DROSHA: variants seen among roughly 807,000 people sequenced by gnomAD.
DROSHA encodes the protein ribonuclease 3.
DROSHA carries 56 observed loss-of-function variants against 181.9 expected under a neutral mutation model. The ratio of observed to expected loss-of-function variants is 0.31; its 90% CI spans 0.25 to 0.38. The LOEUF (loss-of-function observed/expected upper bound fraction) is 0.38. DROSHA is among the 10% of genes least tolerant of loss of function. The probability of loss-of-function intolerance (pLI) is 1.00; values close to 1 mark genes in which losing one functional copy is unlikely to be tolerated. For synonymous variants in DROSHA, 524 were observed against 591.2 expected, an observed-to-expected ratio of 0.89 and a Z score of 1.65; for missense variants, 1,218 against 1,743.5, an observed-to-expected ratio of 0.70 and a Z score of 5.37.
rs1350347537 is a variant in DROSHA at position 31,449,417 on chromosome 5, C to T, written c.2685G>A (p.Leu895=). The change falls in exon 22 of 36, where the codon CTG becomes CTA. Residue 895 remains leucine, a splice_region_variant and synonymous_variant. Coordinates refer to ENST00000344624, the MANE Select transcript of DROSHA (RefSeq NM_001382508.1). ...AATGATGACTTGGATGAGTCATGGC[C>T]AGCTAAAATTTCAATGAAATAAGTT... ...YTFQDRCLLQ[L]AMTHPSHHLN... is the part of the protein sequence containing the mutation. 1 of 1,566,008 alleles carries T rather than the reference C, an allele frequency of 6.4e-7. No homozygotes were observed. Among genetic ancestry groups the T allele is most frequent in the Non-Finnish European group, 8.7e-7 (1 of 1,154,676 alleles).
intron 20 of DROSHA, 23 bp from the exon 21 acceptor site, chr5:31,451,663 T>C (rs770639149): frequency 9.1e-6 from 14 of 1,541,230 alleles, no homozygotes; most frequent in South Asian, 7.2e-5. Context: ...AAATTCAATA[T>C]GTTTAACTTT....
intron 20 of DROSHA, among the ~76,000 whole-genome samples, chr5:31,462,017 T>C (rs556825355): frequency 6.6e-6 from 1 of 152,276 alleles, no homozygotes; most frequent in African/African-American, 2.4e-5. Flanking sequence ...TAAGGTACTA[T>C]TTCACCAAAG....
chr5:31,409,243 A>G lies in DROSHA; in HGVS notation c.3750+7T>C. On this transcript the variant is annotated splice_region_variant and intron_variant, in intron 32 of 35. Coordinates refer to ENST00000344624, the MANE Select transcript of DROSHA (RefSeq NM_001382508.1). This position sits in a 1 kb window ranked among gnomAD's most constrained non-coding sequence, Gnocchi z 4.0. ...AGACCACTAATTCAAACTTTATATG[A>G]GCTTACTTTCAATCGTGGAAAGAAG... 6.3e-7 allele frequency: 1 copy of G among 1,599,530 alleles called. No homozygotes were observed.
At chr5:31,493,117 G>A (rs1455358987) in intron 13 of DROSHA, 90 bp downstream of exon 13, 2 of 1,277,150 alleles carry the variant, frequency 1.6e-6, no homozygotes, top group African/African-American at 1.5e-5. Context: ...TTTCTTAGGA[G>A]GCAGATGACA....
At chr5:31,482,095 C>A (rs939246103) in intron 16 of DROSHA, among the ~76,000 whole-genome samples, 4 of 152,210 alleles carry the variant, frequency 2.6e-5, no homozygotes, top group African/African-American at 9.6e-5. Context: ...CATGGGAAGA[C>A]AGGAGGCATA....
chr5:31,489,912 CTT>C (rs955382598), intron 13 of DROSHA, among the ~76,000 whole-genome samples: 1 of 11,480 alleles, frequency 8.7e-5, no homozygotes, highest in Admixed American at 1.9e-3. Flanking sequence ...GAGTTTCGCT[CTT>C]GTCGCCCAGG....
In DROSHA at chr5:31,488,274, G is replaced by T. The variant is rs571291312; in HGVS notation, c.1843-1712C>A. On this transcript the variant is annotated intron_variant, in intron 13 of 35. Transcript: ENST00000344624. ...TCTACTAAAAATACAAAAATTAGCTGGGCGTGGTGGCGTCTATAATCCCAG... is the reference window on the plus strand; with the variant it reads ...TCTACTAAAAATACAAAAATTAGCTTGGCGTGGTGGCGTCTATAATCCCAG... 2.2e-3 allele frequency among the ~76,000 whole-genome samples: 340 copies of T among 152,020 alleles called. 1 individual carries two copies. The highest frequency in any genetic ancestry group is 8.1e-3 in the African/African-American group (335 of 41,458).
intron 16 of DROSHA, among the ~76,000 whole-genome samples, 160 bp from the exon 17 acceptor site, chr5:31,472,392 T>C (rs895462858): frequency 6.6e-6 from 1 of 152,204 alleles, no homozygotes. Context: ...TGCCAAATAA[T>C]ATGAAAGCCA....
At chr5:31,451,075 G>A (rs994556114) in intron 21 of DROSHA, among the ~76,000 whole-genome samples, 3 of 152,028 alleles carry the variant, frequency 2.0e-5, no homozygotes, top group Admixed American at 6.5e-5. Flanking sequence ...GGTGGCGGGC[G>A]CCTGTAATTC....
intron 16 of DROSHA, among the ~76,000 whole-genome samples, chr5:31,473,766 G>A (rs1750030456): frequency 6.6e-6 from 1 of 152,212 alleles, no homozygotes; most frequent in South Asian, 2.1e-4. Context: ...CAGCAGTCTG[G>A]AAGAGGAGAA....
intron 20 of DROSHA, among the ~76,000 whole-genome samples, chr5:31,457,028 TAGAGA>T (rs1479631762): frequency 6.6e-6 from 1 of 150,558 alleles, no homozygotes; most frequent in Non-Finnish European, 1.5e-5. Flanking sequence ...AAAATCTCAG[TAGAGA>T]AAAGTGTAAG....
At chr5:31,515,290 T>C (rs1561283386) in intron 7 of DROSHA, 71 bp from the exon 8 acceptor site, 2 of 1,492,156 alleles carry the variant, frequency 1.3e-6, no homozygotes, top group East Asian at 4.5e-5. Flanking sequence ...CTATTTCACC[T>C]ATTTGGTGCA....
At chr5:31,428,221 A>T (rs1743713286) in intron 27 of DROSHA, among the ~76,000 whole-genome samples, 2 of 150,850 alleles carry the variant, frequency 1.3e-5, no homozygotes, top group East Asian at 3.9e-4. Context: ...GCAAAACAGA[A>T]CAACAGAACA....
In DROSHA at chr5:31,526,677, G is replaced by T; in HGVS notation, c.256C>A (p.Pro86Thr). 6.6e-7 allele frequency: 1 copy of T among 1,516,380 alleles called. No homozygotes were observed. Among genetic ancestry groups the T allele is most frequent in the Non-Finnish European group, 8.8e-7 (1 of 1,134,236 alleles). 93.9% of individuals were successfully genotyped at this position (1,516,380 alleles called of 1,614,324 possible). Residue 86 changes from proline to threonine, a missense_variant, in exon 5 of 36, where the codon CCT (proline) becomes ACT (threonine). Transcript: ENST00000344624. ...GGAAGAGGGCCTTGCGCTGACGGAGGCATGGGTGGGGGGAAGGGTACAAAG... is the reference window on the plus strand; with the variant it reads ...GGAAGAGGGCCTTGCGCTGACGGAGTCATGGGTGGGGGGAAGGGTACAAAG... The part of the protein sequence containing the change: ...PDFVPFPPPM[P>T]PSAQGPLPPC...
Position 31,526,672 on chromosome 5 carries a change from C to G in DROSHA, c.261G>C (p.Pro87=), listed in dbSNP as rs34318439. 7.6e-6 allele frequency: 10 copies of G among 1,323,712 alleles called. No homozygotes were observed. The African/African-American group carries it at 2.0e-4, about 27-fold the overall frequency. 82.0% of individuals were successfully genotyped at this position (1,323,712 alleles called of 1,614,324 possible). ...DFVPFPPPMP[P]SAQGPLPPCP... ...AGGGGGGAAGAGGGCCTTGCGCTGA[C>G]GGAGGCATGGGTGGGGGGAAGGGTA... is the stretch of plus-strand genomic sequence containing the variant. Residue 87 remains proline (P), a synonymous_variant, in exon 5 of 36, where the codon CCG becomes CCC. Transcript: ENST00000344624.
rs757405875 is a variant in DROSHA, at chr5:31,515,483, A to G, written c.1029T>C (p.Ser343=). The G allele has an allele frequency of 3.4e-6, 5 of 1,465,258 alleles. No individual in the cohort carries two copies. In the East Asian group the frequency reaches 7.4e-5, roughly 22 times the overall value. 90.8% of individuals were successfully genotyped at this position (1,465,258 alleles called of 1,614,324 possible). The change falls in exon 7 of 36, where the codon TCT becomes TCC. Residue 343 remains serine, a synonymous_variant. Coordinates refer to ENST00000344624, the MANE Select transcript of DROSHA (RefSeq NM_001382508.1). The part of the protein sequence containing the change: ...LPGEIIKNTD[S]WAPPLEIVNH... ...TCACAATCTCCAGGGGTGGGGCCCA[A>G]GAATCTGTATTTTTAATAATCTCCC...
chr5:31,529,057 CATGATGTT>C lies in DROSHA; in HGVS notation c.-6_2del. The C allele has an allele frequency of 2.5e-6, 4 of 1,613,244 alleles. No homozygotes were observed. The highest frequency in any genetic ancestry group is 3.4e-6 in the Non-Finnish European group (4 of 1,179,672). On this transcript the variant is annotated start_lost and 5_prime_UTR_variant, in exon 4 of 36. Coordinates refer to ENST00000344624, the MANE Select transcript of DROSHA (RefSeq NM_001382508.1). ...GCACTCACCATGTGTTTCCCTGCAT[CATGATGTT>C]CCGCCTGGATATGTCACATCTTCCA...
At chr5:31,433,045 A>G (rs1744357440) in intron 25 of DROSHA, among the ~76,000 whole-genome samples, 1 of 152,256 alleles carries the variant, frequency 6.6e-6, no homozygotes, top group Admixed American at 6.5e-5. Context: ...ATAACATGCC[A>G]CATAACATGG....
rs1259264490 is a variant in DROSHA, at chr5:31,515,398, T to C, written c.1058+56A>G. 1.9e-6 allele frequency: 2 copies of C among 1,051,034 alleles called. 1 individual carries two copies. Among genetic ancestry groups the C allele is most frequent in the Middle Eastern group, 4.1e-4 (2 of 4,846 alleles). 65.1% of individuals were successfully genotyped at this position (1,051,034 alleles called of 1,614,324 possible). ...CCAGTCTGGTGGCATCAGAATCACC[T>C]GAAGTTTACTTGTTTAAAAATACAA... On this transcript the variant is annotated intron_variant, in intron 7 of 35. Transcript: ENST00000344624.
Sources: gnomAD v4.1 joint callset for allele counts (sites outside exome capture counted in the v4.1 genomes callset) on GRCh38, gnomAD v4.1.1 for gene constraint, Gnocchi (gnomAD v3.1) non-coding constraint, MANE v1.5 for transcripts, NCBI Gene and HGNC (gene_info 2026-07-23, HGNC 2026-07-21) for gene names.